The following SLC12A8 variants were observed in gnomAD, a reference collection of about 807,000 sequenced individuals.
SLC12A8 encodes cation-chloride cotransporter 9.
Under a neutral mutation model 75.6 loss-of-function variants are expected in SLC12A8, and 69 were observed. That is an observed-to-expected ratio of 0.91 (90% CI 0.75 to 1.11). The LOEUF is 1.11. Ranked by LOEUF, SLC12A8 falls within the 50% of genes most tolerant of loss-of-function variation. SLC12A8 has a pLI of 0.00. For missense variants in SLC12A8, 877 were observed against 896.7 expected (o/e 0.98, Z 0.28); for synonymous variants, 365 against 372.8 (o/e 0.98, Z 0.24).
intron 10 of SLC12A8, among the ~76,000 whole-genome samples, chr3:125,103,711 C>A (rs1052369412): frequency 1.3e-5 from 2 of 151,728 alleles, no homozygotes; most frequent in Non-Finnish European, 2.9e-5. Context: ...CCACTCACTG[C>A]AGCTTCAACT....
chr3:125,198,872 A>G lies in SLC12A8; in HGVS notation c.52-8351T>C, dbSNP rs1224122239. On this transcript the variant is annotated intron_variant, in intron 2 of 13. Transcript: ENST00000469902. ...GGCTCACTGCAAGCTCCACCTCTCG[A>G]GTTCATGCCATTCCCCTGCCTCAGC... Among the ~76,000 whole-genome samples, 5 of 150,614 alleles carry G rather than the reference A, an allele frequency of 3.3e-5. No homozygotes were observed. The South Asian group carries it at 6.3e-4, about 19-fold the overall frequency.
intron 5 of SLC12A8, among the ~76,000 whole-genome samples, chr3:125,152,829 T>C (rs1373198833): frequency 6.6e-6 from 1 of 152,168 alleles, no homozygotes; most frequent in Non-Finnish European, 1.5e-5. Context: ...GAAAAGCATA[T>C]ATTGCTGACA....
chr3:125,143,433 TG>T (rs1933696107), intron 5 of SLC12A8, among the ~76,000 whole-genome samples: 1 of 152,240 alleles, frequency 6.6e-6, no homozygotes, highest in Admixed American at 6.5e-5. Flanking sequence ...GGCGTGAGCC[TG>T]GAGTCTTCCT....
At chr3:125,107,436 G>T (rs1939055232) in intron 10 of SLC12A8, 45 bp downstream of exon 10, 4 of 1,522,256 alleles carry the variant, frequency 2.6e-6, no homozygotes, top group East Asian at 4.6e-5. Context: ...ATAATCAGTG[G>T]TCATCCCCAA....
At chr3:125,110,539 T>C in intron 8 of SLC12A8, 1 of 464,466 alleles carries the variant, frequency 2.2e-6, no homozygotes, top group African/African-American at 1.9e-5. Flanking sequence ...TTCATATGGA[T>C]TGCACAGTGG....
rs1030032594 is a variant in SLC12A8, at chr3:125,150,385, C to A, written c.623-14603G>T. Among the ~76,000 whole-genome samples the A allele has an allele frequency of 2.6e-5, 4 of 152,202 alleles. No individual in the cohort carries two copies. The South Asian group carries it at 8.3e-4, about 32-fold the overall frequency. On this transcript the variant is annotated intron_variant, in intron 5 of 13. Transcript: ENST00000469902. ...TGGATGGTTATTTCGCAGTAAGGGG[C>A]CTGTCAAAGACAGGTAACAATGTGT... is the stretch of plus-strand genomic sequence containing the variant.
chr3:125,107,387 AC>A lies in SLC12A8; in HGVS notation c.1705+93del, dbSNP rs1448539247. On this transcript the variant is annotated intron_variant, in intron 10 of 13. Coordinates refer to ENST00000469902, the MANE Select transcript of SLC12A8 (RefSeq NM_024628.6). ...TGCACAAAATTAACAAGGATTTTAA[AC>A]CCAGTTATAACTGGTTCACAATAAC... is the stretch of plus-strand genomic sequence containing the variant. The A allele has an allele frequency of 1.2e-5, 14 of 1,165,230 alleles. No individual in the cohort carries two copies. In the Admixed American group the frequency reaches 3.2e-4, roughly 27 times the overall value. The allele number at this position is 1,165,230 out of a possible 1,614,324, so 72.2% of individuals were successfully genotyped here. A position where few individuals can be genotyped will look rare whatever the true frequency, so the allele number is the denominator to read the frequency against.
intron 2 of SLC12A8, among the ~76,000 whole-genome samples, chr3:125,207,274 G>A (rs1935244240): frequency 6.6e-6 from 1 of 152,192 alleles, no homozygotes; most frequent in South Asian, 2.1e-4. Context: ...ACCCACTAGT[G>A]CTACACTTCA....
intron 10 of SLC12A8, among the ~76,000 whole-genome samples, chr3:125,104,271 A>G (rs754613158): frequency 2.0e-5 from 3 of 151,896 alleles, no homozygotes; most frequent in Non-Finnish European, 4.4e-5. Flanking sequence ...ATGCCCAGCT[A>G]ACTTCCTTTT....
chr3:125,201,575 C>T (rs1935121155), intron 2 of SLC12A8, among the ~76,000 whole-genome samples: 1 of 151,822 alleles, frequency 6.6e-6, no homozygotes, highest in South Asian at 2.1e-4. Context: ...GAGTTCAAGA[C>T]CAGCCTGGGC....
chr3:125,111,890 C>T (rs191938536), intron 8 of SLC12A8, among the ~76,000 whole-genome samples: 7 of 152,308 alleles, frequency 4.6e-5, no homozygotes, highest in African/African-American at 1.7e-4. Context: ...AAGGGCAGGA[C>T]CAAGCCTGGA....
rs56700638 is a variant in SLC12A8 at position 125,174,800 on chromosome 3, G to A, written c.622+2943C>T. Reference sequence around the variant, plus strand: ...CTATGGAAACAGTAAAAAGATCAGTGGTTGCCAGGAGTTGGGGAGCATTAA... The same window carrying A: ...CTATGGAAACAGTAAAAAGATCAGTAGTTGCCAGGAGTTGGGGAGCATTAA... On this transcript the variant is annotated intron_variant, in intron 5 of 13. Transcript: ENST00000469902. Among the ~76,000 whole-genome samples the A allele has an allele frequency of 0.017, 2,529 of 152,274 alleles. 127 individuals carry two copies. In the South Asian group the frequency reaches 0.2, roughly 12 times the overall value.
At chr3:125,208,781 CACACACACACAGAG>C (rs1303384041) in intron 2 of SLC12A8, among the ~76,000 whole-genome samples, 1 of 118,080 alleles carries the variant, frequency 8.5e-6, no homozygotes, top group Non-Finnish European at 1.9e-5. Flanking sequence ...CACACACACA[CACACACACACAGAG>C]AGAGAGAGAG....
intron 2 of SLC12A8, among the ~76,000 whole-genome samples, chr3:125,197,423 C>T (rs1935028957): frequency 6.6e-6 from 1 of 152,124 alleles, no homozygotes; most frequent in African/African-American, 2.4e-5. Flanking sequence ...TCCTGAGTAT[C>T]TGGGATTACA....
At chr3:125,170,079 TA>T (rs1934376626) in intron 5 of SLC12A8, among the ~76,000 whole-genome samples, 1 of 151,956 alleles carries the variant, frequency 6.6e-6, no homozygotes, top group African/African-American at 2.4e-5. Context: ...AAAAGCAAAT[TA>T]AAAGAAAAAG....
At chr3:125,127,272 G>A (rs1018002361) in intron 6 of SLC12A8, among the ~76,000 whole-genome samples, 4 of 152,194 alleles carry the variant, frequency 2.6e-5, no homozygotes, top group Admixed American at 2.6e-4. Context: ...AAACTTGTGA[G>A]TTTCCCTCCC....
chr3:125,173,135 C>T (rs577999564), intron 5 of SLC12A8, among the ~76,000 whole-genome samples: 13 of 152,240 alleles, frequency 8.5e-5, no homozygotes, highest in African/African-American at 3.1e-4. Context: ...GCCAAGATTG[C>T]ACCACTGTAC....
Position 125,183,555 on chromosome 3 carries a change from T to C in SLC12A8, c.390+3682A>G, listed in dbSNP as rs535054449. Among the ~76,000 whole-genome samples, 7 of 152,248 alleles carry C rather than the reference T, an allele frequency of 4.6e-5. No individual in the cohort carries two copies. The East Asian group carries it at 1.4e-3, about 29-fold the overall frequency. ...CCCTTCTGACACAAACTTCCAGGTT[T>C]AAGGTTAAAGAGTTGGTGGATTAAC... On this transcript the variant is annotated intron_variant, in intron 4 of 13. Transcript: ENST00000469902.
intron 8 of SLC12A8, among the ~76,000 whole-genome samples, chr3:125,112,437 G>C (rs1939211108): frequency 6.6e-6 from 1 of 152,044 alleles, no homozygotes; most frequent in South Asian, 2.1e-4. Flanking sequence ...AGTTAGTTAT[G>C]CTCATGGCTT....
Sources: allele counts gnomAD v4.1 joint callset (sites outside exome capture counted in the v4.1 genomes callset), GRCh38; gene constraint gnomAD v4.1.1; transcripts MANE v1.5; gene names NCBI Gene and HGNC (gene_info 2026-07-23, HGNC 2026-07-21).